RGS13: variants seen among roughly 807,000 people sequenced by gnomAD.
The protein encoded by RGS13 is regulator of G-protein signalling 13.
A neutral mutation model predicts 19.9 loss-of-function variants in RGS13; 14 were observed. The ratio of observed to expected loss-of-function variants is 0.70; its 90% CI spans 0.46 to 1.10. The LOEUF (loss-of-function observed/expected upper bound fraction) is 1.10. Ranked by LOEUF, RGS13 falls within the 50% of genes least tolerant of loss-of-function variation. RGS13 has a pLI of 0.00. For synonymous variants in RGS13, 60 were observed against 56.8 expected (o/e 1.06, Z -0.25); for missense variants, 205 against 187.1 (o/e 1.10, Z -0.56).
intron 5 of RGS13, among the ~76,000 whole-genome samples, chr1:192,649,490 G>A (rs1663297826): frequency 6.6e-6 from 1 of 152,092 alleles, no homozygotes; most frequent in Non-Finnish European, 1.5e-5. Context: ...GCCTAATATA[G>A]ATTAAGCACA....
intron 3 of RGS13, among the ~76,000 whole-genome samples, 187 bp from the exon 4 acceptor site, chr1:192,644,144 T>C (rs1294358404): frequency 6.6e-6 from 1 of 152,130 alleles, no homozygotes; most frequent in Non-Finnish European, 1.5e-5. Context: ...TTATAAAATA[T>C]TTATGAGAGA....
intron 5 of RGS13, among the ~76,000 whole-genome samples, chr1:192,649,332 G>A (rs796500280): frequency 8.5e-5 from 13 of 152,184 alleles, no homozygotes; most frequent in African/African-American, 3.1e-4. Flanking sequence ...GTAAATTTTT[G>A]TCCCAATCCT....
intron 5 of RGS13, among the ~76,000 whole-genome samples, chr1:192,653,808 T>G (rs994460719): frequency 2.0e-5 from 3 of 151,948 alleles, no homozygotes; most frequent in African/African-American, 7.2e-5. Flanking sequence ...AACAAAGGAT[T>G]AAAAGAATAA....
Position 192,647,979 on chromosome 1 carries a change from C to T in RGS13, c.119C>T (p.Ala40Val). 1 of 1,593,912 alleles carries T rather than the reference C, an allele frequency of 6.3e-7. No individual in the cohort carries two copies. The change falls in exon 5 of 7, where the codon GCT becomes GTT. Residue 40 changes from alanine to valine, a missense_variant. Coordinates refer to ENST00000391995, the MANE Select transcript of RGS13 (RefSeq NM_002927.5). ...QWAQSFENLM[A>V]TKYGPVVYAA... ...GCCCAGTCTTTTGAAAATTTAATGGCTACAAAATGTGAGTATTGCGTATCT... is the reference window on the plus strand; with the variant it reads ...GCCCAGTCTTTTGAAAATTTAATGGTTACAAAATGTGAGTATTGCGTATCT...
chr1:192,659,218 A>C (rs1274964270), intron 6 of RGS13, 120 bp from the exon 7 acceptor site: 1 of 613,950 alleles, frequency 1.6e-6, no homozygotes, highest in Admixed American at 3.6e-5. Context: ...ATAAAACTAC[A>C]AAGAAAATTA....
intron 1 of RGS13, among the ~76,000 whole-genome samples, chr1:192,636,788 T>C (rs1490184913): frequency 2.0e-5 from 3 of 152,000 alleles, no homozygotes; most frequent in Non-Finnish European, 4.4e-5. Context: ...CTTGATTTTG[T>C]AGAATTTTTT....
intron 5 of RGS13, among the ~76,000 whole-genome samples, chr1:192,648,931 G>T (rs1663267693): frequency 6.6e-6 from 1 of 152,064 alleles, no homozygotes; most frequent in African/African-American, 2.4e-5. Context: ...TCTGACTCAA[G>T]ACCCTCTTTA....
chr1:192,658,487 T>G, intron 6 of RGS13, 120 bp downstream of exon 6: 4 of 891,428 alleles, frequency 4.5e-6, no homozygotes, highest in Non-Finnish European at 6.8e-6. Flanking sequence ...ATGCTATAAA[T>G]TCAGTATTGC....
At chr1:192,639,096 G>A (rs1415403731) in intron 3 of RGS13, among the ~76,000 whole-genome samples, 1 of 152,024 alleles carries the variant, frequency 6.6e-6, no homozygotes, top group African/African-American at 2.4e-5. Flanking sequence ...TGAGCACAGG[G>A]CTACTATTAG....
Position 192,659,557 on chromosome 1 carries a change from A to G in RGS13, c.*34A>G. 2 of 1,471,100 alleles carry G rather than the reference A, an allele frequency of 1.4e-6. No homozygotes were observed. Among genetic ancestry groups the G allele is most frequent in the East Asian group, 4.6e-5 (2 of 43,192 alleles). The allele number at this position is 1,471,100 out of a possible 1,614,324, so 91.1% of individuals were successfully genotyped here. A position where few individuals can be genotyped will look rare whatever the true frequency, so the allele number is the denominator to read the frequency against. On this transcript the variant is annotated 3_prime_UTR_variant, in exon 7 of 7. Coordinates refer to ENST00000391995, the MANE Select transcript of RGS13 (RefSeq NM_002927.5). Reference sequence around the variant, plus strand: ...CAAAAGTTTAAATAGAAAACAGTATATTGAAAGTGGTGGGTTTGATCTTTT... The same window carrying G: ...CAAAAGTTTAAATAGAAAACAGTATGTTGAAAGTGGTGGGTTTGATCTTTT...
chr1:192,659,466 A>G lies in RGS13; in HGVS notation c.423A>G (p.Leu141=), dbSNP rs757016706. Residue 141 remains leucine (L), a synonymous_variant, in exon 7 of 7, where the codon CTA becomes CTG. Coordinates refer to ENST00000391995, the MANE Select transcript of RGS13 (RefSeq NM_002927.5). ...HMERDSYPRF[L]KSEMYQKLLK... Reference sequence around the variant, plus strand: ...AAAGGGATTCCTACCCCAGATTTCTAAAGTCAGAAATGTACCAAAAACTTT... The same window carrying G: ...AAAGGGATTCCTACCCCAGATTTCTGAAGTCAGAAATGTACCAAAAACTTT... The G allele has an allele frequency of 9.3e-6, 15 of 1,612,754 alleles. No homozygotes were observed. The highest frequency in any genetic ancestry group is 1.3e-5 in the Non-Finnish European group (15 of 1,179,346).
chr1:192,644,825 T>C (rs1663186942), intron 4 of RGS13: 3 of 155,210 alleles, frequency 1.9e-5, no homozygotes, highest in East Asian at 1.9e-4. Flanking sequence ...CTCCACACTT[T>C]TCTATAACTC....
chr1:192,641,285 A>G lies in RGS13; in HGVS notation c.-4-3046A>G, dbSNP rs148763367. Reference sequence around the variant, plus strand: ...AAGAAAGAAAGAAAGAAAGAAAGAAAGAAAGAAAGAAAGAAAGAAAGAAAA... The same window carrying G: ...AAGAAAGAAAGAAAGAAAGAAAGAAGGAAAGAAAGAAAGAAAGAAAGAAAA... On this transcript the variant is annotated intron_variant, in intron 3 of 6. Coordinates refer to ENST00000391995, the MANE Select transcript of RGS13 (RefSeq NM_002927.5). 8.8e-3 allele frequency among the ~76,000 whole-genome samples: 1,052 copies of G among 119,006 alleles called. 44 individuals carry two copies. The highest frequency in any genetic ancestry group is 0.073 in the Admixed American group (839 of 11,558). The allele number at this position is 119,006 out of a possible 152,430, so 78.1% of individuals were successfully genotyped here. A position where few individuals can be genotyped will look rare whatever the true frequency, so the allele number is the denominator to read the frequency against.
At chr1:192,644,603 A>C (rs1014829219) in intron 4 of RGS13, 5 of 498,622 alleles carry the variant, frequency 1.0e-5, no homozygotes, top group African/African-American at 9.8e-5. Context: ...TTGAGAATTC[A>C]GCAAGTTAAA....
chr1:192,637,545 T>A (rs1375920621), intron 1 of RGS13, 45 bp from the exon 2 acceptor site: 1 of 151,972 alleles, frequency 6.6e-6, no homozygotes, highest in Non-Finnish European at 1.5e-5. Flanking sequence ...AAGCACACAA[T>A]AATCTTTTTG....
chr1:192,657,705 G>A (rs192641103), intron 5 of RGS13, among the ~76,000 whole-genome samples: 205 of 152,172 alleles, frequency 1.3e-3, no homozygotes, highest in African/African-American at 4.8e-3. Context: ...TAGACATTGA[G>A]AAACACTCCA....
intron 3 of RGS13, among the ~76,000 whole-genome samples, chr1:192,640,970 A>T (rs192340961): frequency 2.0e-5 from 3 of 152,116 alleles, no homozygotes; most frequent in Non-Finnish European, 4.4e-5. Context: ...TGTCACTCAC[A>T]TTGTAACTTG....
intron 5 of RGS13, 119 bp downstream of exon 5, chr1:192,648,106 T>A: frequency 3.6e-6 from 2 of 562,446 alleles, no homozygotes; most frequent in Non-Finnish European, 6.0e-6. Context: ...AACTGGCAAC[T>A]GACACAGTTA....
chr1:192,644,495 G>A, intron 4 of RGS13, 96 bp downstream of exon 4: 4 of 944,508 alleles, frequency 4.2e-6, no homozygotes, highest in East Asian at 2.5e-5. Context: ...AACATATTTT[G>A]TTCAGAAAGT....
Sources: allele counts gnomAD v4.1 joint callset (sites outside exome capture counted in the v4.1 genomes callset), GRCh38; gene constraint gnomAD v4.1.1; transcripts MANE v1.5; gene names NCBI Gene and HGNC (gene_info 2026-07-23, HGNC 2026-07-21).